SETBP1: variants seen among roughly 807,000 people sequenced by gnomAD.
The protein encoded by SETBP1 is SET-binding protein.
Under a neutral mutation model 101.0 loss-of-function variants are expected in SETBP1, and 9 were observed. The ratio of observed to expected loss-of-function variants is 0.09; its 90% confidence interval spans 0.05 to 0.16. SETBP1 has a LOEUF of 0.16. SETBP1 is among the 10% of genes least tolerant of loss of function. The pLI, the probability that SETBP1 is intolerant of heterozygous loss-of-function variation, is 1.00. For missense variants in SETBP1, 1,858 were observed against 2,033.8 expected (o/e 0.91, Z 1.66); for synonymous variants, 818 against 788.5 (o/e 1.04, Z -0.63).
rs140429658 is a variant in SETBP1, at chr18:44,877,163, G to A, written c.540+7880G>A. 2.5e-4 allele frequency: 242 copies of A among 968,746 alleles called. 4 individuals carry two copies. The East Asian group carries it at 0.02, about 79-fold the overall frequency. The allele number at this position is 968,746 out of a possible 1,614,324, so 60.0% of individuals were successfully genotyped here. On this transcript the variant is annotated intron_variant, in intron 3 of 5. Transcript: ENST00000649279. ...ATGGGCTCCAAGCCACAGCTGGCCT[G>A]TCAAGTGTGTGTCGCTGGTCCACCA...
At chr18:44,927,244 G>A (rs1286624663) in intron 3 of SETBP1, among the ~76,000 whole-genome samples, 1 of 152,156 alleles carries the variant, frequency 6.6e-6, no homozygotes, top group African/African-American at 2.4e-5. Context: ...CTGATGAAGA[G>A]AGTCAGATGC....
At chr18:45,048,499 A>C (rs530023703) in intron 5 of SETBP1, among the ~76,000 whole-genome samples, 12 of 151,854 alleles carry the variant, frequency 7.9e-5, no homozygotes, top group Non-Finnish European at 1.3e-4. Context: ...ATGTATCCTC[A>C]CTCCCCCTTC....
Position 44,852,095 on chromosome 18 carries a change from A to G in SETBP1, c.487-17135A>G, listed in dbSNP as rs143581381. Among the ~76,000 whole-genome samples, 13 of 152,344 alleles carry G rather than the reference A, an allele frequency of 8.5e-5. No homozygotes were observed. In the East Asian group the frequency reaches 2.5e-3, roughly 29 times the overall value. ...TCACTTTTGATTACAAATGGATTAA[A>G]TGGGACAGCAGCTGCACAGAGCTGC... On this transcript the variant is annotated intron_variant, in intron 2 of 5. Transcript: ENST00000649279.
chr18:44,967,917 T>C (rs996720573), intron 4 of SETBP1, among the ~76,000 whole-genome samples: 3 of 152,204 alleles, frequency 2.0e-5, no homozygotes, highest in African/African-American at 7.2e-5. Context: ...AGGAAGATCC[T>C]AGCATTTTGC....
chr18:44,810,458 C>G (rs1439195686), intron 2 of SETBP1, among the ~76,000 whole-genome samples: 1 of 152,234 alleles, frequency 6.6e-6, no homozygotes, highest in Non-Finnish European at 1.5e-5. Flanking sequence ...CAAAATGCCT[C>G]TTTCCTTTTT....
intron 4 of SETBP1, among the ~76,000 whole-genome samples, chr18:44,982,233 T>C (rs977570551): frequency 2.6e-5 from 4 of 152,182 alleles, no homozygotes; most frequent in Admixed American, 6.5e-5. Context: ...AATGGTAGCA[T>C]CATTGAAATG....
At chr18:44,906,537 G>A (rs948387149) in intron 3 of SETBP1, among the ~76,000 whole-genome samples, 1 of 152,178 alleles carries the variant, frequency 6.6e-6, no homozygotes, top group African/African-American at 2.4e-5. Flanking sequence ...CTTTTAAGAA[G>A]AAAAACATTC....
intron 3 of SETBP1, among the ~76,000 whole-genome samples, chr18:44,927,731 G>A (rs2070736656): frequency 6.6e-6 from 1 of 152,118 alleles, no homozygotes; most frequent in African/African-American, 2.4e-5. Context: ...TCCCAGACCT[G>A]GCATCACCGA....
intron 3 of SETBP1, among the ~76,000 whole-genome samples, chr18:44,943,540 C>T (rs899567491): frequency 6.6e-6 from 1 of 152,224 alleles, no homozygotes; most frequent in African/African-American, 2.4e-5. Flanking sequence ...TGAAAAAGTA[C>T]TACTGTTCAG....
At chr18:45,006,432 T>G (rs966366335) in intron 4 of SETBP1, among the ~76,000 whole-genome samples, 1 of 152,178 alleles carries the variant, frequency 6.6e-6, no homozygotes, top group Non-Finnish European at 1.5e-5. Context: ...ATAACTGAAA[T>G]GTATTGTCTC....
intron 2 of SETBP1, among the ~76,000 whole-genome samples, chr18:44,766,228 A>G (rs1330904421): frequency 6.6e-6 from 1 of 152,206 alleles, no homozygotes; most frequent in Non-Finnish European, 1.5e-5. Context: ...AGCATGATAC[A>G]TGGTCCGGCA....
intron 2 of SETBP1, among the ~76,000 whole-genome samples, chr18:44,794,396 T>C (rs1232566755): frequency 1.3e-5 from 2 of 152,196 alleles, no homozygotes; most frequent in African/African-American, 4.8e-5. Context: ...AAGCTTGCTC[T>C]TCTCATGCTC....
chr18:45,042,030 T>C (rs2073518211), intron 5 of SETBP1, among the ~76,000 whole-genome samples: 1 of 152,096 alleles, frequency 6.6e-6, no homozygotes, highest in African/African-American at 2.4e-5. Context: ...ACATAGTACA[T>C]GCTCAGTAAA....
rs376389981 is a variant in SETBP1 at position 44,767,345 on chromosome 18, T to A, written c.486+65513T>A. ...ATTACTACAAAGAAAAACACAATCC[T>A]GCAGCTATTAAGGACTCCACAGGTT... is the stretch of plus-strand genomic sequence containing the variant. On this transcript the variant is annotated intron_variant, in intron 2 of 5. Coordinates refer to ENST00000649279, the MANE Select transcript of SETBP1 (RefSeq NM_015559.3). Among the ~76,000 whole-genome samples the A allele has an allele frequency of 9.8e-5, 15 of 152,304 alleles. No individual in the cohort carries two copies. The East Asian group carries it at 2.9e-3, about 29-fold the overall frequency.
At chr18:44,958,711 A>G (rs1040310865) in intron 4 of SETBP1, among the ~76,000 whole-genome samples, 23 of 152,178 alleles carry the variant, frequency 1.5e-4, no homozygotes, top group Admixed American at 1.5e-3. Context: ...CATGGGAGAG[A>G]TGTTAAGCTA....
chr18:44,726,843 A>T (rs1303232877), intron 2 of SETBP1, among the ~76,000 whole-genome samples: 1 of 152,162 alleles, frequency 6.6e-6, no homozygotes, highest in Non-Finnish European at 1.5e-5. Flanking sequence ...GGCTGGCTAG[A>T]TTATTGTGTG....
chr18:44,705,611 T>C (rs150060144), intron 2 of SETBP1, among the ~76,000 whole-genome samples: 1 of 152,308 alleles, frequency 6.6e-6, no homozygotes, highest in Non-Finnish European at 1.5e-5. Context: ...AAAGACAGCT[T>C]ATATGGGATC....
intron 5 of SETBP1, among the ~76,000 whole-genome samples, chr18:45,044,815 G>A (rs1352079459): frequency 1.3e-5 from 2 of 152,202 alleles, no homozygotes; most frequent in Non-Finnish European, 2.9e-5. Flanking sequence ...CCAGCCCAAA[G>A]GAGAATTAGA....
chr18:44,818,718 A>G (rs1368311385), intron 2 of SETBP1, among the ~76,000 whole-genome samples: 1 of 150,244 alleles, frequency 6.7e-6, no homozygotes, highest in African/African-American at 2.5e-5. Flanking sequence ...ACAATTTGAG[A>G]TTTCTTTTTA....
Sources: allele counts gnomAD v4.1 joint callset (sites outside exome capture counted in the v4.1 genomes callset), GRCh38; gene constraint gnomAD v4.1.1; transcripts MANE v1.5; gene names NCBI Gene and HGNC (gene_info 2026-07-23, HGNC 2026-07-21).